Variants in KAT6B observed in about 807,000 individuals in gnomAD.
KAT6B encodes the protein histone acetyltransferase KAT6B.
KAT6B carries 10 observed loss-of-function variants against 187.5 expected under a neutral mutation model. The ratio of observed to expected loss-of-function variants is 0.05; its 90% confidence interval spans 0.03 to 0.09. KAT6B has a LOEUF of 0.09. Ranked by LOEUF, KAT6B falls within the 10% of genes least tolerant of loss-of-function variation. The pLI, the probability that KAT6B is intolerant of heterozygous loss-of-function variation, is 1.00. For synonymous variants in KAT6B, 861 were observed against 926.8 expected (o/e 0.93, Z 1.29); for missense variants, 1,952 against 2,558.9 (o/e 0.76, Z 5.12).
At chr10:74,908,563 AAAAAG>A (rs1846959101) in intron 3 of KAT6B, among the ~76,000 whole-genome samples, 3 of 151,948 alleles carry the variant, frequency 2.0e-5, no homozygotes, top group African/African-American at 7.3e-5. Flanking sequence ...AAAAAAAAAA[AAAAAG>A]AAAGAGAAAT....
intron 3 of KAT6B, among the ~76,000 whole-genome samples, chr10:74,883,564 A>G (rs1845022938): frequency 6.6e-6 from 1 of 152,146 alleles, no homozygotes; most frequent in Admixed American, 6.5e-5. Context: ...CAGCAGAAAA[A>G]AATTATGAGC....
chr10:74,864,046 T>C (rs1486295689), intron 3 of KAT6B, among the ~76,000 whole-genome samples: 3 of 152,184 alleles, frequency 2.0e-5, no homozygotes, highest in Non-Finnish European at 4.4e-5. Context: ...GTAAATATTA[T>C]TCACACTTGA....
intron 3 of KAT6B, among the ~76,000 whole-genome samples, chr10:74,872,821 A>G (rs919031104): frequency 8.6e-5 from 13 of 151,848 alleles, no homozygotes; most frequent in Non-Finnish European, 1.9e-4. Flanking sequence ...GTCTTAGTTT[A>G]TGTTTTAAAG....
At chr10:74,866,925 T>C (rs116053463) in intron 3 of KAT6B, among the ~76,000 whole-genome samples, 2,255 of 152,324 alleles carry the variant, frequency 0.015, 55 homozygotes, top group African/African-American at 0.052. Flanking sequence ...CCACTAGTGA[T>C]AGAATCCCAC....
At chr10:74,913,520 C>T (rs1272553882) in intron 3 of KAT6B, among the ~76,000 whole-genome samples, 1 of 152,160 alleles carries the variant, frequency 6.6e-6, no homozygotes, top group Non-Finnish European at 1.5e-5. Context: ...GGATAACAAA[C>T]CACAGAAAGT....
At chr10:74,896,520 C>T (rs1475440249) in intron 3 of KAT6B, among the ~76,000 whole-genome samples, 2 of 152,140 alleles carry the variant, frequency 1.3e-5, no homozygotes, top group Non-Finnish European at 2.9e-5. Context: ...AAACTCCTGA[C>T]CTCAAGTGAT....
intron 3 of KAT6B, among the ~76,000 whole-genome samples, chr10:74,936,461 T>A (rs1226026236): frequency 6.6e-6 from 1 of 151,996 alleles, no homozygotes. Context: ...GGCCAACAGG[T>A]ATTTTTAAAA....
intron 12 of KAT6B, among the ~76,000 whole-genome samples, chr10:74,987,941 A>G (rs1842919594): frequency 6.6e-6 from 1 of 152,254 alleles, no homozygotes; most frequent in Admixed American, 6.5e-5. Flanking sequence ...TCATCTTCTT[A>G]GAAAAACTGA....
chr10:74,947,745 G>C (rs1840052603), intron 3 of KAT6B, among the ~76,000 whole-genome samples: 1 of 152,180 alleles, frequency 6.6e-6, no homozygotes, highest in Non-Finnish European at 1.5e-5. Context: ...TAAAGATCTA[G>C]GAAATTAAGT....
At chr10:74,883,661 A>G (rs1410155239) in intron 3 of KAT6B, among the ~76,000 whole-genome samples, 2 of 152,206 alleles carry the variant, frequency 1.3e-5, no homozygotes, top group Non-Finnish European at 1.5e-5. Flanking sequence ...AGCTCACTTT[A>G]TGATTATACA....
Position 74,960,116 on chromosome 10 carries a change from C to G in KAT6B, c.730+38C>G, listed in dbSNP as rs1243260204. 2.5e-6 allele frequency: 3 copies of G among 1,220,874 alleles called. No individual in the cohort carries two copies. In the Admixed American group the frequency reaches 5.0e-5, roughly 21 times the overall value. The allele number at this position is 1,220,874 out of a possible 1,614,324, so 75.6% of individuals were successfully genotyped here. ...TTTCCTATGTGTTGTACAATGACTT[C>G]CCATTATCATAGCTTCATGCTATTT... On this transcript the variant is annotated intron_variant, in intron 4 of 17. Coordinates refer to ENST00000287239, the MANE Select transcript of KAT6B (RefSeq NM_012330.4).
chr10:74,987,990 GACA>G (rs1248084440), intron 12 of KAT6B, among the ~76,000 whole-genome samples: 1 of 152,188 alleles, frequency 6.6e-6, no homozygotes, highest in East Asian at 1.9e-4. Context: ...AGGCTCCATA[GACA>G]ACTACAAATG....
intron 3 of KAT6B, among the ~76,000 whole-genome samples, chr10:74,900,821 G>C: frequency 6.6e-6 from 1 of 152,182 alleles, no homozygotes; most frequent in East Asian, 1.9e-4. Context: ...TGCAAATGTT[G>C]GGGGAGTGGG....
intron 13 of KAT6B, among the ~76,000 whole-genome samples, chr10:75,005,834 CT>C (rs765101367): frequency 2.0e-5 from 3 of 151,986 alleles, no homozygotes; most frequent in Non-Finnish European, 2.9e-5. Flanking sequence ...TAGAGGAACG[CT>C]TTTTTTCAGC....
Position 75,028,980 on chromosome 10 carries a change from A to G in KAT6B, c.4156A>G (p.Lys1386Glu), listed in dbSNP as rs1231600378. The G allele has an allele frequency of 1.9e-6, 3 of 1,614,012 alleles. No individual in the cohort carries two copies. In the Admixed American group the frequency reaches 5.0e-5, roughly 27 times the overall value. Reference protein sequence around the residue: ...GNVEKDPDGAKSQEKEEPEIS... With the variant: ...GNVEKDPDGAESQEKEEPEIS... ...TGTAGAAAAAGATCCAGATGGTGCTAAAAGCCAAGAAAAAGAGGAACCAGA... is the reference window on the plus strand; with the variant it reads ...TGTAGAAAAAGATCCAGATGGTGCTGAAAGCCAAGAAAAAGAGGAACCAGA... Residue 1386 changes from lysine (K) to glutamate (E), a missense_variant, in exon 18 of 18, where the codon AAA (lysine) becomes GAA (glutamate). Transcript: ENST00000287239.
chr10:75,010,393 T>A (rs1844509991), intron 13 of KAT6B, among the ~76,000 whole-genome samples: 1 of 152,264 alleles, frequency 6.6e-6, no homozygotes, highest in Non-Finnish European at 1.5e-5. Context: ...GATTCCTTTT[T>A]GAAATGTACT....
At chr10:74,927,821 G>T (rs1408996990) in intron 3 of KAT6B, among the ~76,000 whole-genome samples, 2 of 152,156 alleles carry the variant, frequency 1.3e-5, no homozygotes, top group Non-Finnish European at 2.9e-5. Flanking sequence ...GAAGTATTCA[G>T]ACCAAGTACT....
chr10:74,829,388 C>G (rs1465344154), intron 1 of KAT6B, among the ~76,000 whole-genome samples: 1 of 152,064 alleles, frequency 6.6e-6, no homozygotes, highest in Non-Finnish European at 1.5e-5. Context: ...TCCTAGTTCT[C>G]TACAGTGTAC....
chr10:74,985,305 C>A, intron 12 of KAT6B, 64 bp downstream of exon 12: 1 of 1,470,718 alleles, frequency 6.8e-7, no homozygotes, highest in South Asian at 1.1e-5. Flanking sequence ...GAGCCCAATT[C>A]TTTGAACAGG....
Sources: allele counts gnomAD v4.1 joint callset (sites outside exome capture counted in the v4.1 genomes callset), GRCh38; gene constraint gnomAD v4.1.1; transcripts MANE v1.5; gene names NCBI Gene and HGNC (gene_info 2026-07-23, HGNC 2026-07-21).